Variants in ST18 observed in about 807,000 individuals in gnomAD.
ST18 encodes the protein ST18 C2H2C-type zinc finger transcription factor.
Under a neutral mutation model 110.0 loss-of-function variants are expected in ST18, and 50 were observed. The ratio of observed to expected loss-of-function variants is 0.45; its 90% confidence interval spans 0.36 to 0.58. The LOEUF is 0.58. ST18 is among the 20% of genes least tolerant of loss of function. ST18 has a pLI of 0.00. For synonymous variants in ST18, 461 were observed against 452.4 expected (o/e 1.02, Z -0.24); for missense variants, 1,306 against 1,280.1 (o/e 1.02, Z -0.31).
At chr8:52,177,834 T>C (rs1369970204) in intron 9 of ST18, among the ~76,000 whole-genome samples, 1 of 152,190 alleles carries the variant, frequency 6.6e-6, no homozygotes, top group Non-Finnish European at 1.5e-5. Flanking sequence ...AATGATTTCA[T>C]CTGTAAAACT....
intron 3 of ST18, among the ~76,000 whole-genome samples, chr8:52,223,529 A>T (rs1206125061): frequency 6.6e-6 from 1 of 152,078 alleles, no homozygotes; most frequent in African/African-American, 2.4e-5. Flanking sequence ...CTGTAATCCC[A>T]GCTACTTGGG....
At chr8:52,224,926 T>C (rs912511910) in intron 3 of ST18, among the ~76,000 whole-genome samples, 1 of 152,208 alleles carries the variant, frequency 6.6e-6, no homozygotes, top group Non-Finnish European at 1.5e-5. Context: ...AATCTCTGCC[T>C]TATAGAACCT....
At chr8:52,351,511 CT>C (rs1295243425) in intron 2 of ST18, among the ~76,000 whole-genome samples, 1 of 152,200 alleles carries the variant, frequency 6.6e-6, no homozygotes, top group Non-Finnish European at 1.5e-5. Context: ...TAAATCAACT[CT>C]GAGATATACT....
chr8:52,138,180 C>G lies in ST18; in HGVS notation c.2169-697G>C, dbSNP rs1443130751. Among the ~76,000 whole-genome samples the G allele has an allele frequency of 2.0e-5, 3 of 151,626 alleles. No individual in the cohort carries two copies. The East Asian group carries it at 5.8e-4, about 29-fold the overall frequency. Reference sequence around the variant, plus strand: ...AGAAACCCATGCTTTACTATGATAGCAGATCTTAGGAACACCAGCACCCAT... The same window carrying G: ...AGAAACCCATGCTTTACTATGATAGGAGATCTTAGGAACACCAGCACCCAT... On this transcript the variant is annotated intron_variant, in intron 17 of 25. Transcript: ENST00000689386.
At chr8:52,181,937 T>C (rs2069799966) in intron 8 of ST18, among the ~76,000 whole-genome samples, 1 of 151,938 alleles carries the variant, frequency 6.6e-6, no homozygotes, top group Non-Finnish European at 1.5e-5. Flanking sequence ...CTAGAGAAAC[T>C]CTAGGAACCT....
chr8:52,305,152 A>T (rs999952207), intron 2 of ST18, among the ~76,000 whole-genome samples: 1 of 152,234 alleles, frequency 6.6e-6, no homozygotes, highest in Non-Finnish European at 1.5e-5. Flanking sequence ...CCAATGTAGC[A>T]TAAGAATAAA....
In ST18 at chr8:52,131,968, T is replaced by C. The variant is rs753274178; in HGVS notation, c.2656A>G (p.Thr886Ala). 2 of 1,613,928 alleles carry C rather than the reference T, an allele frequency of 1.2e-6. No homozygotes were observed. The highest frequency in any genetic ancestry group is 2.2e-5 in the South Asian group (2 of 91,042). ...GLGHVNNVFV[T>A]HRSLSGCPLN... ...GAAAACTCATGTTACCTTCGGTGGG[T>C]GACAAAAACATTATTTACATGGCCC... Residue 886 changes from threonine (T) to alanine (A), a missense_variant, in exon 22 of 26, where the codon ACC becomes GCC. Transcript: ENST00000689386.
intron 17 of ST18, among the ~76,000 whole-genome samples, chr8:52,141,200 A>T (rs1312555368): frequency 6.6e-6 from 1 of 152,210 alleles, no homozygotes; most frequent in Non-Finnish European, 1.5e-5. Context: ...AGCTTATTTT[A>T]AAGTCGCTCA....
At chr8:52,164,151 C>A in intron 12 of ST18, 61 bp from the exon 13 acceptor site, 1 of 1,418,386 alleles carries the variant, frequency 7.1e-7, no homozygotes. Flanking sequence ...TTTGTTTTGG[C>A]ATGTGCCTCA....
intron 2 of ST18, among the ~76,000 whole-genome samples, chr8:52,380,971 C>T (rs1463415902): frequency 6.6e-6 from 1 of 152,186 alleles, no homozygotes; most frequent in Non-Finnish European, 1.5e-5. Context: ...TCTCAACAAT[C>T]ATCTCTCCTT....
At chr8:52,120,793 G>A (rs897038167) in intron 23 of ST18, among the ~76,000 whole-genome samples, 2 of 152,198 alleles carry the variant, frequency 1.3e-5, no homozygotes, top group South Asian at 4.1e-4. Flanking sequence ...CAGAAGCGAG[G>A]AGACCCATGA....
intron 2 of ST18, among the ~76,000 whole-genome samples, chr8:52,239,903 C>G (rs1473010327): frequency 6.6e-6 from 1 of 152,118 alleles, no homozygotes; most frequent in East Asian, 1.9e-4. Flanking sequence ...AAGCAATCCT[C>G]CCACCTCAGC....
At chr8:52,350,211 T>C (rs1819660725) in intron 2 of ST18, among the ~76,000 whole-genome samples, 1 of 152,168 alleles carries the variant, frequency 6.6e-6, no homozygotes, top group Non-Finnish European at 1.5e-5. Context: ...ATTATGCTCA[T>C]GAAAAATAAC....
At chr8:52,383,049 CTCT>C (rs1242986059) in intron 2 of ST18, among the ~76,000 whole-genome samples, 12 of 152,238 alleles carry the variant, frequency 7.9e-5, no homozygotes, top group South Asian at 6.2e-4. Flanking sequence ...TCTTCTTCTT[CTCT>C]TCTTCTTCTC....
chr8:52,241,491 G>A (rs2093397320), intron 2 of ST18, among the ~76,000 whole-genome samples: 1 of 152,224 alleles, frequency 6.6e-6, no homozygotes. Flanking sequence ...CTTTGTAGAG[G>A]GTGCTGTGCA....
chr8:52,319,680 A>T (rs958246376), intron 2 of ST18, among the ~76,000 whole-genome samples: 1 of 152,164 alleles, frequency 6.6e-6, no homozygotes, highest in Non-Finnish European at 1.5e-5. Flanking sequence ...TTTGTGAGAC[A>T]GGAATTTAGG....
At chr8:52,379,479 A>G (rs1211724155) in intron 2 of ST18, among the ~76,000 whole-genome samples, 2 of 152,146 alleles carry the variant, frequency 1.3e-5, no homozygotes, top group African/African-American at 4.8e-5. Context: ...TGACCTTTGA[A>G]CAACACAGTT....
At position 52,348,895 on chromosome 8, in the gene ST18, T is replaced by C. The variant is rs577918008; in HGVS notation, c.-465+60433A>G. Among the ~76,000 whole-genome samples, 9 of 152,306 alleles carry C rather than the reference T, an allele frequency of 5.9e-5. No homozygotes were observed. The South Asian group carries it at 1.9e-3, about 32-fold the overall frequency. Reference sequence around the variant, plus strand: ...AACACAACACCCACTGTCTTAGCATTTTCCAAGGATGCAATGTATTTACAA... The same window carrying C: ...AACACAACACCCACTGTCTTAGCATCTTCCAAGGATGCAATGTATTTACAA... On this transcript the variant is annotated intron_variant, in intron 2 of 25. Transcript: ENST00000689386.
intron 2 of ST18, among the ~76,000 whole-genome samples, chr8:52,379,968 T>C (rs1254924779): frequency 6.6e-6 from 1 of 152,162 alleles, no homozygotes; most frequent in Admixed American, 6.5e-5. Flanking sequence ...GCAGCTCCTC[T>C]CTCCAGTAAA....
Sources: allele counts gnomAD v4.1 joint callset (sites outside exome capture counted in the v4.1 genomes callset), GRCh38; gene constraint gnomAD v4.1.1; transcripts MANE v1.5; gene names NCBI Gene and HGNC (gene_info 2026-07-23, HGNC 2026-07-21).